AHR: variants seen among roughly 807,000 people sequenced by gnomAD.
AHR encodes the protein AH-receptor.
AHR carries 40 observed loss-of-function variants against 86.8 expected under a neutral mutation model. The observed-to-expected ratio is 0.46, with a 90% CI of 0.36 to 0.60. The LOEUF is 0.60. Ranked by LOEUF, AHR falls within the 20% of genes least tolerant of loss-of-function variation. The pLI is 0.00. For missense variants in AHR, 1,001 were observed against 1,011.6 expected (o/e 0.99, Z 0.14); for synonymous variants, 398 against 354.9 (o/e 1.12, Z -1.37).
intron 1 of AHR, among the ~76,000 whole-genome samples, chr7:17,301,526 A>G (rs1781954961): frequency 2.0e-5 from 3 of 151,982 alleles, no homozygotes; most frequent in South Asian, 4.1e-4. Flanking sequence ...ATGCTGTAGC[A>G]TTATTATAGG....
At chr7:17,335,078 A>G in intron 8 of AHR, 82 bp downstream of exon 8, 1 of 969,168 alleles carries the variant, frequency 1.0e-6, no homozygotes, top group Non-Finnish European at 1.6e-6. Context: ...CGTAATGTAA[A>G]GTGTTTAAGT....
intron 2 of AHR, among the ~76,000 whole-genome samples, chr7:17,316,778 A>G (rs901839483): frequency 3.3e-5 from 5 of 151,962 alleles, no homozygotes; most frequent in African/African-American, 1.2e-4. Flanking sequence ...ATCGTGTCTA[A>G]TTTCTGTGTT....
At chr7:17,331,246 G>T (rs911982488) in intron 6 of AHR, among the ~76,000 whole-genome samples, 21 of 151,798 alleles carry the variant, frequency 1.4e-4, no homozygotes. Context: ...GCAATTCCTT[G>T]GTAAGGACTT....
At chr7:17,300,109 C>T (rs968479240) in intron 1 of AHR, among the ~76,000 whole-genome samples, 1 of 152,114 alleles carries the variant, frequency 6.6e-6, no homozygotes, top group Non-Finnish European at 1.5e-5. Context: ...ATTCTTTTCC[C>T]CTTCAAAGTT....
chr7:17,336,984 TAAAC>T (rs1782360710), intron 9 of AHR, among the ~76,000 whole-genome samples: 1 of 152,194 alleles, frequency 6.6e-6, no homozygotes, highest in Admixed American at 6.5e-5. Flanking sequence ...AATATATACT[TAAAC>T]ATATATATCA....
chr7:17,308,959 T>G (rs1434039437), intron 1 of AHR, among the ~76,000 whole-genome samples: 4 of 152,194 alleles, frequency 2.6e-5, no homozygotes, highest in African/African-American at 9.6e-5. Context: ...CGCTAGATAA[T>G]TACTCTTCTG....
rs182857825 is a variant in AHR, at chr7:17,330,773, C to G, written c.592C>G (p.Gln198Glu). 1.2e-6 allele frequency: 2 copies of G among 1,609,804 alleles called. No individual in the cohort carries two copies. The highest frequency in any genetic ancestry group is 2.7e-5 in the African/African-American group (2 of 74,842). ...TTCTACAGAAGCCACTGGTCTCCCCCAGACAGTAGTCTGTTATAACCCAGA... is the reference window on the plus strand; with the variant it reads ...TTCTACAGAAGCCACTGGTCTCCCCGAGACAGTAGTCTGTTATAACCCAGA... ...QGIEEATGLP[Q>E]TVVCYNPDQI... Residue 198 changes from glutamine (Q) to glutamate (E), a missense_variant, in exon 6 of 11, where the codon CAG becomes GAG. Gln to Glu is a conservative substitution (Grantham distance 29, BLOSUM62 2). This residue lies in a region of AHR where 394 missense variants were observed against 468.5 expected (regional missense o/e 0.84). Coordinates refer to ENST00000242057, the MANE Select transcript of AHR (RefSeq NM_001621.5).
chr7:17,322,984 C>T lies in AHR; in HGVS notation c.360+377C>T, dbSNP rs1006479629. Among the ~76,000 whole-genome samples the T allele has an allele frequency of 4.6e-5, 7 of 152,018 alleles. No homozygotes were observed. In the East Asian group the frequency reaches 5.8e-4, roughly 13 times the overall value. On this transcript the variant is annotated intron_variant, in intron 3 of 10. Transcript: ENST00000242057. ...TGGAGCAATAAGTTATACTGTATAG[C>T]GTAAGTGTATGGTAGACTATACCAT...
In AHR at chr7:17,345,772, T is replaced by C. The variant is rs1782476699; in HGVS notation, c.*2708T>C. ...AATAATAAAATCACGTTAAACCAAATACACGTTTGTCTGTATTGTTAAGTG... is the reference window on the plus strand; with the variant it reads ...AATAATAAAATCACGTTAAACCAAACACACGTTTGTCTGTATTGTTAAGTG... On this transcript the variant is annotated 3_prime_UTR_variant, in exon 11 of 11. Transcript: ENST00000242057. The C allele has an allele frequency of 6.5e-6, 1 of 152,756 alleles. No homozygotes were observed. Among genetic ancestry groups the C allele is most frequent in the Non-Finnish European group, 1.5e-5 (1 of 68,010 alleles). 9.5% of individuals were successfully genotyped at this position (152,756 alleles called of 1,614,324 possible).
chr7:17,339,718 A>T lies in AHR; in HGVS notation c.1893A>T (p.Val631=). ...AGCAACATCACCAAAAGCAAGTAGT[A>T]GTGGAGCCACAGCAACAGCTGTGTC... is the stretch of plus-strand genomic sequence containing the variant. ...QQQQHHQKQV[V]VEPQQQLCQK... Residue 631 remains valine (V), a synonymous_variant, in exon 10 of 11, where the codon GTA becomes GTT. Transcript: ENST00000242057. 1 of 1,614,212 alleles carries T rather than the reference A, an allele frequency of 6.2e-7. No individual in the cohort carries two copies. The highest frequency in any genetic ancestry group is 8.5e-7 in the Non-Finnish European group (1 of 1,180,030).
At chr7:17,333,719 A>G (rs1782325088) in intron 6 of AHR, among the ~76,000 whole-genome samples, 193 bp from the exon 7 acceptor site, 1 of 151,964 alleles carries the variant, frequency 6.6e-6, no homozygotes, top group African/African-American at 2.4e-5. Context: ...AATATTTTTC[A>G]TATTACTCTT....
Position 17,299,214 on chromosome 7 carries a change from G to C in AHR, c.-51G>C. 1 of 1,592,312 alleles carries C rather than the reference G, an allele frequency of 6.3e-7. No homozygotes were observed. Among genetic ancestry groups the C allele is most frequent in the Non-Finnish European group, 8.5e-7 (1 of 1,171,892 alleles). On this transcript the variant is annotated 5_prime_UTR_variant, in exon 1 of 11. Coordinates refer to ENST00000242057, the MANE Select transcript of AHR (RefSeq NM_001621.5). The stretch of plus-strand genomic sequence containing the variant: ...GGTCCCAGCCTACACCGGGTTCCGG[G>C]GACCCGGCCGCCAGTGCCCGGGGAG...
At chr7:17,309,911 T>G in intron 1 of AHR, 25 bp from the exon 2 acceptor site, 2 of 1,502,088 alleles carry the variant, frequency 1.3e-6, no homozygotes, top group Non-Finnish European at 1.8e-6. Flanking sequence ...AAAGGATTTT[T>G]TATGGTATTT....
chr7:17,323,516 T>C (rs924972650), intron 3 of AHR, among the ~76,000 whole-genome samples: 7 of 152,248 alleles, frequency 4.6e-5, no homozygotes, highest in African/African-American at 1.7e-4. Context: ...AATTCTCAGA[T>C]ACTTATTTTG....
In AHR at chr7:17,299,185, C is replaced by A; in HGVS notation, c.-80C>A. On this transcript the variant is annotated 5_prime_UTR_variant, in exon 1 of 11. Transcript: ENST00000242057. ...TCGCGGAACCCGGCGCCGGCCGCCG[C>A]AGTGGTCCCAGCCTACACCGGGTTC... 1 of 1,468,340 alleles carries A rather than the reference C, an allele frequency of 6.8e-7. No individual in the cohort carries two copies. Among genetic ancestry groups the A allele is most frequent in the Admixed American group, 2.4e-5 (1 of 41,834 alleles). The allele number at this position is 1,468,340 out of a possible 1,614,324, so 91.0% of individuals were successfully genotyped here. A position where few individuals can be genotyped will look rare whatever the true frequency, so the allele number is the denominator to read the frequency against.
chr7:17,302,964 C>T (rs935077077), intron 1 of AHR, among the ~76,000 whole-genome samples: 12 of 151,920 alleles, frequency 7.9e-5, no homozygotes, highest in Non-Finnish European at 1.2e-4. Flanking sequence ...ATTACGGCTA[C>T]GGCTGAAATG....
At position 17,335,721 on chromosome 7, in the gene AHR, T is replaced by A. The variant is rs1334016546; in HGVS notation, c.1095T>A (p.Ser365=). The A allele has an allele frequency of 1.9e-6, 3 of 1,612,024 alleles. No homozygotes were observed. Among genetic ancestry groups the A allele is most frequent in the Non-Finnish European group, 2.5e-6 (3 of 1,178,808 alleles). The change falls in exon 9 of 11, where the codon TCT becomes TCA. Residue 365 remains serine, a synonymous_variant. Coordinates refer to ENST00000242057, the MANE Select transcript of AHR (RefSeq NM_001621.5). The part of the protein sequence containing the change: ...TKNNRWTWVQ[S]NARLLYKNGR... ...ACAACCGATGGACTTGGGTCCAGTC[T>A]AATGCACGCCTGCTTTATAAAAATG...
intron 1 of AHR, among the ~76,000 whole-genome samples, chr7:17,300,292 C>G (rs1320407076): frequency 2.0e-5 from 3 of 152,076 alleles, no homozygotes; most frequent in African/African-American, 7.2e-5. Context: ...TTTTTTATTT[C>G]TAGATCTCTG....
chr7:17,325,200 CT>C (rs1295605520), intron 3 of AHR, among the ~76,000 whole-genome samples: 1 of 152,118 alleles, frequency 6.6e-6, no homozygotes, highest in East Asian at 1.9e-4. Context: ...TCTCCTGGTA[CT>C]TGAGATCATT....
Sources: allele counts gnomAD v4.1 joint callset (sites outside exome capture counted in the v4.1 genomes callset), GRCh38; gene constraint gnomAD v4.1.1; regional missense constraint gnomAD v4.1.1; transcripts MANE v1.5; gene names NCBI Gene and HGNC (gene_info 2026-07-23, HGNC 2026-07-21).